The following ARSB variants were observed in gnomAD, a reference collection of about 807,000 sequenced individuals.
ARSB encodes arylsulfatase B.
A neutral mutation model predicts 50.9 loss-of-function variants in ARSB; 41 were observed. The ratio of observed to expected loss-of-function variants is 0.81; its 90% CI spans 0.63 to 1.04. The LOEUF (loss-of-function observed/expected upper bound fraction) is 1.04, where lower values mean the gene tolerates loss of function less well. Among genes scored for constraint, ARSB ranks in the 50% least tolerant of loss-of-function variants. The pLI is 0.00. For missense variants in ARSB, 672 were observed against 693.3 expected (o/e 0.97, Z 0.35); for synonymous variants, 269 against 284.8 (o/e 0.94, Z 0.56).
chr5:78,978,335 TAAA>T (rs35665104), intron 1 of ARSB, among the ~76,000 whole-genome samples: 199 of 142,078 alleles, frequency 1.4e-3, no homozygotes, highest in Admixed American at 3.5e-3. Context: ...GACTCTGTCT[TAAA>T]AAAAAAAAAA....
intron 6 of ARSB, among the ~76,000 whole-genome samples, chr5:78,786,318 G>A (rs1749079755): frequency 6.6e-6 from 1 of 152,186 alleles, no homozygotes; most frequent in African/African-American, 2.4e-5. Flanking sequence ...TTTGTAGCAC[G>A]TATCAGTACT....
At chr5:78,965,550 T>G (rs1230741237) in intron 2 of ARSB, among the ~76,000 whole-genome samples, 1 of 152,178 alleles carries the variant, frequency 6.6e-6, no homozygotes, top group African/African-American at 2.4e-5. Flanking sequence ...TGGATTGCCA[T>G]GATAGTGGCA....
At chr5:78,933,343 C>T (rs775138466) in intron 4 of ARSB, among the ~76,000 whole-genome samples, 6 of 152,126 alleles carry the variant, frequency 3.9e-5, no homozygotes, top group Non-Finnish European at 5.9e-5. Context: ...CCATGGATCC[C>T]CAAGAAAACT....
At chr5:78,976,242 A>C (rs757552627) in intron 1 of ARSB, among the ~76,000 whole-genome samples, 11 of 149,298 alleles carry the variant, frequency 7.4e-5, no homozygotes, top group Non-Finnish European at 1.5e-4. Context: ...GAAGGTTTTG[A>C]ATGTATTTCC....
chr5:78,832,774 TG>T (rs148144814), intron 6 of ARSB, among the ~76,000 whole-genome samples: 11 of 152,302 alleles, frequency 7.2e-5, no homozygotes, highest in Non-Finnish European at 1.5e-4. Flanking sequence ...CAAAGCTGTA[TG>T]GAATCACTTT....
intron 6 of ARSB, among the ~76,000 whole-genome samples, chr5:78,834,937 C>T (rs999508294): frequency 6.6e-6 from 1 of 151,280 alleles, no homozygotes; most frequent in Admixed American, 6.6e-5. Flanking sequence ...TCTACATCCT[C>T]AACAATTCTT....
chr5:78,983,226 G>A (rs1441772899), intron 1 of ARSB, among the ~76,000 whole-genome samples: 1 of 152,082 alleles, frequency 6.6e-6, no homozygotes, highest in Non-Finnish European at 1.5e-5. Context: ...GCTAATTTTT[G>A]TAGTTTTAGT....
At chr5:78,899,009 T>G (rs896225892) in intron 4 of ARSB, among the ~76,000 whole-genome samples, 1 of 152,240 alleles carries the variant, frequency 6.6e-6, no homozygotes, top group African/African-American at 2.4e-5. Flanking sequence ...GTGAATTCTC[T>G]CAGCTTTTGT....
chr5:78,891,022 T>TC (rs1167057290), intron 4 of ARSB, among the ~76,000 whole-genome samples: 1 of 152,210 alleles, frequency 6.6e-6, no homozygotes, highest in Non-Finnish European at 1.5e-5. Context: ...GGCTTTGTCT[T>TC]CCCCATGAAC....
intron 1 of ARSB, among the ~76,000 whole-genome samples, chr5:78,976,422 G>T (rs957701662): frequency 1.3e-5 from 2 of 151,382 alleles, no homozygotes; most frequent in Non-Finnish European, 2.9e-5. Flanking sequence ...CTGCCCCCGG[G>T]TCTCAACCTC....
Position 78,947,243 on chromosome 5 carries a change from C to T in ARSB, c.898+8052G>A, listed in dbSNP as rs190695875. On this transcript the variant is annotated intron_variant, in intron 4 of 7. Transcript: ENST00000264914. ...GGCAAAGACTTCTTGTGTAATATCCCACAAGCACAGGTAACCAAAGCAAAA... is the reference window on the plus strand; with the variant it reads ...GGCAAAGACTTCTTGTGTAATATCCTACAAGCACAGGTAACCAAAGCAAAA... 3.3e-5 allele frequency among the ~76,000 whole-genome samples: 5 copies of T among 152,210 alleles called. No individual in the cohort carries two copies. In the East Asian group the frequency reaches 9.7e-4, roughly 29 times the overall value.
chr5:78,881,161 G>A (rs1417965868), intron 5 of ARSB, among the ~76,000 whole-genome samples: 1 of 152,112 alleles, frequency 6.6e-6, no homozygotes, highest in East Asian at 1.9e-4. Flanking sequence ...GAACCCAGGA[G>A]GCAGAGATCG....
chr5:78,839,392 G>T lies in ARSB; in HGVS notation c.1177C>A (p.His393Asn). 6.2e-7 allele frequency: 1 copy of T among 1,613,864 alleles called. No homozygotes were observed. Among genetic ancestry groups the T allele is most frequent in the Non-Finnish European group, 8.5e-7 (1 of 1,179,836 alleles). ...TCCACGAAGTTCGGGTCAATATTAT[G>T]CAGCAGCTCAATTCTGGGGGATGGG... ...GSPSPRIELL[H>N]NIDPNFVDSS... The change falls in exon 6 of 8, where the codon CAT (histidine) becomes AAT (asparagine). Residue 393 changes from histidine to asparagine, a missense_variant. Coordinates refer to ENST00000264914, the MANE Select transcript of ARSB (RefSeq NM_000046.5).
chr5:78,849,503 G>C (rs1355129281), intron 5 of ARSB, among the ~76,000 whole-genome samples: 1 of 151,874 alleles, frequency 6.6e-6, no homozygotes, highest in Non-Finnish European at 1.5e-5. Context: ...GTAGCGTGAT[G>C]CCTCCAGCTT....
chr5:78,877,782 G>C (rs1747555930), intron 5 of ARSB, among the ~76,000 whole-genome samples: 1 of 152,190 alleles, frequency 6.6e-6, no homozygotes, highest in African/African-American at 2.4e-5. Context: ...AAAAGGGATA[G>C]AAATATGACC....
At chr5:78,891,694 G>A (rs1383253096) in intron 4 of ARSB, among the ~76,000 whole-genome samples, 2 of 152,208 alleles carry the variant, frequency 1.3e-5, no homozygotes, top group African/African-American at 2.4e-5. Context: ...GGCACAGGGA[G>A]CAGGAGGCCT....
intron 5 of ARSB, among the ~76,000 whole-genome samples, chr5:78,839,686 A>C (rs1377890777): frequency 6.6e-6 from 1 of 152,202 alleles, no homozygotes; most frequent in Non-Finnish European, 1.5e-5. Context: ...GGACCCTTTG[A>C]AATAAATATT....
At chr5:78,804,368 G>A (rs1487517518) in intron 6 of ARSB, among the ~76,000 whole-genome samples, 1 of 152,118 alleles carries the variant, frequency 6.6e-6, no homozygotes, top group Non-Finnish European at 1.5e-5. Flanking sequence ...TGAGGTTAGA[G>A]GACTTACTTG....
At chr5:78,781,760 A>G (rs1311012739) in intron 7 of ARSB, 92 bp downstream of exon 7, 2 of 1,548,668 alleles carry the variant, frequency 1.3e-6, no homozygotes, top group African/African-American at 2.7e-5. Flanking sequence ...ATCAAATCCC[A>G]GGAGGGCAGA....
Sources: allele counts gnomAD v4.1 joint callset (sites outside exome capture counted in the v4.1 genomes callset), GRCh38; gene constraint gnomAD v4.1.1; transcripts MANE v1.5; gene names NCBI Gene and HGNC (gene_info 2026-07-23, HGNC 2026-07-21).